Variants in DEAF1 observed in about 807,000 individuals in gnomAD.
DEAF1 encodes the protein DEAF1 transcription factor.
Under a neutral mutation model 58.9 loss-of-function variants are expected in DEAF1, and 53 were observed. The ratio of observed to expected loss-of-function variants is 0.90; its 90% CI spans 0.72 to 1.13. The LOEUF is 1.13. Among genes scored for constraint, DEAF1 ranks in the 50% most tolerant of loss-of-function variants. The pLI is 0.00. For synonymous variants in DEAF1, 385 were observed against 340.4 expected, an observed-to-expected ratio of 1.13 and a Z score of -1.44; for missense variants, 685 against 791.4, an observed-to-expected ratio of 0.87 and a Z score of 1.61.
In DEAF1 at chr11:652,656, G is replaced by A. The variant is rs73402979; in HGVS notation, c.1593+1306C>T. On this transcript the variant is annotated intron_variant, in intron 11 of 11. Coordinates refer to ENST00000382409, the MANE Select transcript of DEAF1 (RefSeq NM_021008.4). Reference sequence around the variant, plus strand: ...GTCTCAAAAAGAAAATAGAGAAGGAGGGCAGAAGGGCACACTTCCCAATTG... The same window carrying A: ...GTCTCAAAAAGAAAATAGAGAAGGAAGGCAGAAGGGCACACTTCCCAATTG... Among the ~76,000 whole-genome samples the A allele has an allele frequency of 9.6e-3, 1,462 of 151,854 alleles. 25 individuals carry two copies. Among genetic ancestry groups the A allele is most frequent in the African/African-American group, 0.034 (1,391 of 41,424 alleles).
At chr11:700,354 C>G (rs767784274) in intron 1 of DEAF1, 4 of 945,532 alleles carry the variant, frequency 4.2e-6, no homozygotes, top group Non-Finnish European at 6.5e-6. Context: ...TGGGGAAACC[C>G]CATCTCTACT....
chr11:703,203 G>A (rs1035508734), intron 1 of DEAF1: 1 of 1,532,812 alleles, frequency 6.5e-7, no homozygotes, highest in Non-Finnish European at 8.8e-7. Context: ...GGCCTGACCA[G>A]TCCCCCAGCT....
intron 10 of DEAF1, chr11:666,376 G>C (rs1200518644): frequency 6.6e-6 from 1 of 152,154 alleles, no homozygotes; most frequent in Non-Finnish European, 1.5e-5. Context: ...AGTACTGGAC[G>C]TGTGAAGAAG....
chr11:675,847 C>T (rs569448484), intron 9 of DEAF1, among the ~76,000 whole-genome samples: 19 of 151,774 alleles, frequency 1.3e-4, no homozygotes, highest in Non-Finnish European at 2.2e-4. Flanking sequence ...AAAACTCTCA[C>T]GCAATGTTGG....
At chr11:667,084 C>A (rs1859571560) in intron 10 of DEAF1, among the ~76,000 whole-genome samples, 1 of 151,752 alleles carries the variant, frequency 6.6e-6, no homozygotes, top group Non-Finnish European at 1.5e-5. Context: ...TGTGTAGTCC[C>A]AGCTACTCAG....
chr11:704,324 C>A, intron 1 of DEAF1: 2 of 786,630 alleles, frequency 2.5e-6, no homozygotes, highest in Non-Finnish European at 3.6e-6. Context: ...GGGGCTCCCT[C>A]GGCTGGGGTG....
At chr11:700,478 G>C in intron 1 of DEAF1, 1 of 801,518 alleles carries the variant, frequency 1.2e-6, no homozygotes, top group Non-Finnish European at 2.1e-6. Context: ...AGTGAGCCAA[G>C]ATTGCGCCAC....
At chr11:696,986 G>T (rs1861209885), upstream of DEAF1, among the ~76,000 whole-genome samples, 1 of 150,602 alleles carries the variant, frequency 6.6e-6, no homozygotes, top group African/African-American at 2.4e-5. Context: ...GTCTGAGGCA[G>T]GAGAATTGCT....
intron 10 of DEAF1, among the ~76,000 whole-genome samples, chr11:661,336 C>G (rs759702723): frequency 1.3e-5 from 2 of 152,116 alleles, no homozygotes; most frequent in Non-Finnish European, 2.9e-5. Flanking sequence ...CACACGAATG[C>G]AGATTTCCCA....
Position 662,150 on chromosome 11 carries a change from G to A in DEAF1, c.1504-8099C>T, listed in dbSNP as rs573175017. 3.1e-4 allele frequency among the ~76,000 whole-genome samples: 47 copies of A among 152,272 alleles called. 1 individual carries two copies. The highest frequency in any genetic ancestry group is 1.1e-3 in the African/African-American group (47 of 41,550). ...AAAAACTAGCTGGGCGCAGTAGTGCGCACCTGTAATCCCAGCTACTCGAGA... is the reference window on the plus strand; with the variant it reads ...AAAAACTAGCTGGGCGCAGTAGTGCACACCTGTAATCCCAGCTACTCGAGA... On this transcript the variant is annotated intron_variant, in intron 10 of 11. Transcript: ENST00000382409.
At chr11:705,711 G>A (rs1861683208) in intron 1 of DEAF1, among the ~76,000 whole-genome samples, 1 of 152,138 alleles carries the variant, frequency 6.6e-6, no homozygotes, top group Non-Finnish European at 1.5e-5. Flanking sequence ...AAGTGACTCT[G>A]CCCCATGCCT....
intron 6 of DEAF1, 112 bp from the exon 7 acceptor site, chr11:681,201 C>A (rs1860348888): frequency 3.4e-6 from 5 of 1,455,066 alleles, no homozygotes; most frequent in Non-Finnish European, 4.8e-6. Context: ...CATGGTGAGA[C>A]CACATTAAGA....
intron 6 of DEAF1, among the ~76,000 whole-genome samples, chr11:683,999 C>G (rs896281143): frequency 1.3e-5 from 2 of 152,178 alleles, no homozygotes; most frequent in African/African-American, 4.8e-5. Context: ...CAATCAACTT[C>G]AAAATTATTT....
intron 11 of DEAF1, chr11:651,415 A>G (rs1432248925): frequency 3.8e-5 from 4 of 104,666 alleles, no homozygotes; most frequent in South Asian, 3.3e-4. Context: ...TCTCTGTAAG[A>G]AAAAAAAAAA....
At position 687,112 on chromosome 11, in the gene DEAF1, T is replaced by A. The variant is rs1860627852; in HGVS notation, c.665-115A>T. Reference sequence around the variant, plus strand: ...CCAGCACCAGCGCCCCAGCGGCTCATGTGATCTCACCCACCCACATACTTG... The same window carrying A: ...CCAGCACCAGCGCCCCAGCGGCTCAAGTGATCTCACCCACCCACATACTTG... On this transcript the variant is annotated intron_variant, in intron 4 of 11. Transcript: ENST00000382409. 1.9e-5 allele frequency: 28 copies of A among 1,492,372 alleles called. No individual in the cohort carries two copies. The South Asian group carries it at 3.2e-4, about 17-fold the overall frequency. 92.4% of individuals were successfully genotyped at this position (1,492,372 alleles called of 1,614,324 possible). A position where few individuals can be genotyped will look rare whatever the true frequency, so the allele number is the denominator to read the frequency against.
rs933868662 is a variant in DEAF1 at position 655,810 on chromosome 11, CT to C, written c.1504-1760del. On this transcript the variant is annotated intron_variant, in intron 10 of 11. Transcript: ENST00000382409. The stretch of plus-strand genomic sequence containing the variant: ...TTTTGGTGCTAATTTAGGTTGCCCC[CT>C]GCCTCTACTTTATTTATTTATTATT... Among the ~76,000 whole-genome samples the C allele has an allele frequency of 1.3e-4, 19 of 150,502 alleles. 2 individuals are homozygous for C. Among genetic ancestry groups the C allele is most frequent in the African/African-American group, 3.9e-4 (16 of 41,330 alleles).
At chr11:694,282 AGGGGCAGGTGTGC>A (rs1284058915) in intron 1 of DEAF1, among the ~76,000 whole-genome samples, 2 of 96,668 alleles carry the variant, frequency 2.1e-5, no homozygotes, top group Admixed American at 1.1e-4. Flanking sequence ...GCAGGTCACC[AGGGGCAGGTGTGC>A]GGGGCAGGTG....
intron 10 of DEAF1, among the ~76,000 whole-genome samples, chr11:667,335 A>AGAAG (rs1356882476): frequency 2.2e-5 from 3 of 135,460 alleles, no homozygotes; most frequent in Non-Finnish European, 4.7e-5. Context: ...GAAAGAAAAA[A>AGAAG]GAAGGAAGGA....
chr11:684,987 T>C (rs1256757179), intron 5 of DEAF1, 24 bp from the exon 6 acceptor site: 2 of 1,547,616 alleles, frequency 1.3e-6, no homozygotes, highest in South Asian at 1.2e-5. Context: ...AGAACCACCA[T>C]GCATTAGCAA....
Sources: gnomAD v4.1 joint callset for allele counts (sites outside exome capture counted in the v4.1 genomes callset) on GRCh38, gnomAD v4.1.1 for gene constraint, MANE v1.5 for transcripts, NCBI Gene and HGNC (gene_info 2026-07-23, HGNC 2026-07-21) for gene names.